Variants in ASB4 observed in about 807,000 individuals in gnomAD.
ASB4 encodes the protein ankyrin repeat and SOCS box containing 4.
Under a neutral mutation model 38.6 loss-of-function variants are expected in ASB4, and 35 were observed. The ratio of observed to expected loss-of-function variants is 0.91; its 90% CI spans 0.69 to 1.20. The LOEUF (loss-of-function observed/expected upper bound fraction) is 1.20. ASB4 is among the 50% of genes most tolerant of loss of function. The pLI, the probability that ASB4 is intolerant of heterozygous loss-of-function variation, is 0.00. For missense variants in ASB4, 557 were observed against 527.2 expected, an observed-to-expected ratio of 1.06 and a Z score of -0.55; for synonymous variants, 195 against 201.3, an observed-to-expected ratio of 0.97 and a Z score of 0.26.
chr7:95,532,953 T>C (rs1790839188), intron 3 of ASB4, among the ~76,000 whole-genome samples: 1 of 152,324 alleles, frequency 6.6e-6, no homozygotes, highest in South Asian at 2.1e-4. Flanking sequence ...GGGGTCCACA[T>C]CAGTCTGCTG....
chr7:95,500,529 C>T (rs1790319745), intron 2 of ASB4, among the ~76,000 whole-genome samples: 1 of 135,086 alleles, frequency 7.4e-6, no homozygotes, highest in Non-Finnish European at 1.5e-5. Context: ...ATTATTGGAC[C>T]ACTGCACACC....
At chr7:95,526,277 G>A (rs1014158998) in intron 2 of ASB4, among the ~76,000 whole-genome samples, 1 of 152,158 alleles carries the variant, frequency 6.6e-6, no homozygotes, top group South Asian at 2.1e-4. Context: ...TGAGAAATGG[G>A]AAATCACAAG....
At chr7:95,515,113 C>T (rs960602051) in intron 2 of ASB4, among the ~76,000 whole-genome samples, 1 of 152,118 alleles carries the variant, frequency 6.6e-6, no homozygotes, top group Non-Finnish European at 1.5e-5. Context: ...ATATGAATTC[C>T]CAGCAGAGAC....
chr7:95,534,804 T>C (rs1313143935), intron 3 of ASB4, among the ~76,000 whole-genome samples: 1 of 152,238 alleles, frequency 6.6e-6, no homozygotes, highest in African/African-American at 2.4e-5. Context: ...TCTCCCAGAA[T>C]TACTGTCATA....
intron 1 of ASB4, among the ~76,000 whole-genome samples, chr7:95,493,361 A>AGTGTGTGT (rs199528876): frequency 8.3e-5 from 10 of 120,828 alleles, no homozygotes; most frequent in African/African-American, 2.0e-4. Flanking sequence ...AAGAGATGAA[A>AGTGTGTGT]GTGTGTGTGT....
At chr7:95,533,186 T>A (rs1407742186) in intron 3 of ASB4, among the ~76,000 whole-genome samples, 2 of 152,150 alleles carry the variant, frequency 1.3e-5, no homozygotes, top group African/African-American at 2.4e-5. Context: ...GGGAGAGGCC[T>A]GCAATTTTAG....
chr7:95,512,585 A>C (rs1490668257), intron 2 of ASB4, among the ~76,000 whole-genome samples: 1 of 152,238 alleles, frequency 6.6e-6, no homozygotes, highest in African/African-American at 2.4e-5. Flanking sequence ...AGAATCTTTC[A>C]TGTGCTAATG....
intron 2 of ASB4, among the ~76,000 whole-genome samples, chr7:95,501,827 T>A (rs1790342789): frequency 6.6e-6 from 1 of 152,138 alleles, no homozygotes; most frequent in South Asian, 2.1e-4. Context: ...GCTTGGGCAA[T>A]GCTTGTAGGC....
chr7:95,475,830 C>T (rs892635899), upstream of ASB4, among the ~76,000 whole-genome samples: 1 of 152,200 alleles, frequency 6.6e-6, no homozygotes, highest in Admixed American at 6.5e-5. Context: ...ATTCTCTCCC[C>T]CATCTCTAAT....
the ASB4 span, among the ~76,000 whole-genome samples, chr7:95,548,617 T>C: frequency 6.6e-6 from 1 of 152,316 alleles, no homozygotes; most frequent in South Asian, 2.1e-4. Context: ...ATTTTGACTA[T>C]GAGGAAATGA....
the ASB4 span, among the ~76,000 whole-genome samples, chr7:95,549,988 A>G: frequency 6.6e-6 from 1 of 152,186 alleles, no homozygotes; most frequent in Non-Finnish European, 1.5e-5. Context: ...TGCCTGGCCA[A>G]ATCTCACTGG....
chr7:95,536,297 G>A (rs183080424), intron 3 of ASB4, 140 bp from the exon 4 acceptor site: 68 of 549,832 alleles, frequency 1.2e-4, no homozygotes, highest in East Asian at 5.0e-4. Flanking sequence ...CAATCCTCCT[G>A]CCTCAGTCTC....
chr7:95,474,732 C>G (rs1789959770), upstream of ASB4, among the ~76,000 whole-genome samples: 3 of 152,096 alleles, frequency 2.0e-5, no homozygotes, highest in South Asian at 6.2e-4. Context: ...ACCATGTTGT[C>G]TAGGCTGGTC....
chr7:95,473,470 G>C (rs1407268513), upstream of ASB4, among the ~76,000 whole-genome samples: 1 of 152,174 alleles, frequency 6.6e-6, no homozygotes, highest in East Asian at 1.9e-4. Flanking sequence ...GCAGTGATGA[G>C]TTCCCAGCGG....
chr7:95,497,410 G>C (rs1441252778), intron 2 of ASB4, among the ~76,000 whole-genome samples: 1 of 152,072 alleles, frequency 6.6e-6, no homozygotes, highest in East Asian at 1.9e-4. Context: ...ATGTGGGTGG[G>C]GTGTGAAGGA....
chr7:95,544,415 G>T (rs957357771), downstream of ASB4: 1 of 152,170 alleles, frequency 6.6e-6, no homozygotes, highest in Non-Finnish European at 1.5e-5. Context: ...GAAAACACAG[G>T]CATCAGCAAA....
At position 95,522,635 on chromosome 7, in the gene ASB4, G is replaced by A. The variant is rs538871171; in HGVS notation, c.488-5178G>A. Among the ~76,000 whole-genome samples the A allele has an allele frequency of 8.6e-4, 131 of 152,190 alleles. 1 individual carries two copies. The highest frequency in any genetic ancestry group is 3.0e-3 in the African/African-American group (125 of 41,526). ...GGGTTGGGAAGCACTTATCTGTGTTGGTCCTCCCGTTTAGTACCAGTCTCT... is the reference window on the plus strand; with the variant it reads ...GGGTTGGGAAGCACTTATCTGTGTTAGTCCTCCCGTTTAGTACCAGTCTCT... On this transcript the variant is annotated intron_variant, in intron 2 of 4. Transcript: ENST00000325885.
the ASB4 span, among the ~76,000 whole-genome samples, chr7:95,546,991 C>G: frequency 6.6e-6 from 1 of 152,162 alleles, no homozygotes; most frequent in African/African-American, 2.4e-5. Flanking sequence ...TCCAATTTCC[C>G]ACGTCCCCTT....
the ASB4 span, among the ~76,000 whole-genome samples, chr7:95,549,329 C>T: frequency 1.7e-5 from 1 of 57,580 alleles, no homozygotes; most frequent in East Asian, 1.0e-3. Context: ...TGGAGTCTCG[C>T]CCTGTCGCCC....
Sources: gnomAD v4.1 joint callset for allele counts (sites outside exome capture counted in the v4.1 genomes callset) on GRCh38, gnomAD v4.1.1 for gene constraint, MANE v1.5 for transcripts, NCBI Gene and HGNC (gene_info 2026-07-23, HGNC 2026-07-21) for gene names.